DLGAP2: variants seen among roughly 807,000 people sequenced by gnomAD.
The protein encoded by DLGAP2 is disks large-associated protein 2.
Under a neutral mutation model 100.3 loss-of-function variants are expected in DLGAP2, and 26 were observed. The observed-to-expected ratio is 0.26, with a 90% confidence interval of 0.19 to 0.36. The LOEUF (loss-of-function observed/expected upper bound fraction) is 0.36. DLGAP2 is among the 10% of genes least tolerant of loss of function. The pLI is 1.00. For missense variants in DLGAP2, 1,858 were observed against 1,453.2 expected (o/e 1.28, Z -4.53); for synonymous variants, 886 against 630.1 (o/e 1.41, Z -6.08).
chr8:1,189,342 A>G (rs73539221), intron 2 of DLGAP2, among the ~76,000 whole-genome samples: 16,772 of 152,036 alleles, frequency 0.11, 2,769 homozygotes, highest in African/African-American at 0.36. Context: ...GGAGTCACAC[A>G]TCCAGCAGGA....
chr8:972,746 C>G (rs1178540402), intron 2 of DLGAP2, among the ~76,000 whole-genome samples: 11 of 152,236 alleles, frequency 7.2e-5, no homozygotes, highest in African/African-American at 1.9e-4. Flanking sequence ...CTCTGGTTTT[C>G]CTAGGCAGAG....
intron 3 of DLGAP2, among the ~76,000 whole-genome samples, chr8:1,487,123 G>A (rs1584948048): frequency 1.3e-5 from 2 of 152,144 alleles, no homozygotes; most frequent in Non-Finnish European, 1.5e-5. Flanking sequence ...TACTTATTTG[G>A]TTTTCTGCGA....
At chr8:881,086 C>T (rs908155226) in intron 1 of DLGAP2, among the ~76,000 whole-genome samples, 8 of 152,112 alleles carry the variant, frequency 5.3e-5, no homozygotes, top group Admixed American at 2.6e-4. Flanking sequence ...CAAGAATTTG[C>T]GAAGATTACA....
intron 3 of DLGAP2, among the ~76,000 whole-genome samples, chr8:1,287,714 T>G (rs1799971945): frequency 7.5e-4 from 7 of 9,322 alleles, no homozygotes; most frequent in South Asian, 2.3e-3. Flanking sequence ...TGTGTGTGTG[T>G]GTGTGTATGT....
In DLGAP2 at chr8:1,549,426, C is replaced by T. The variant is rs1801682025; in HGVS notation, c.973C>T (p.His325Tyr). ...CCGGCACCACCTGGGCCCCGTGGCCCACTGCTACCCCGACGCGCTGCAGAG... is the reference window on the plus strand; with the variant it reads ...CCGGCACCACCTGGGCCCCGTGGCCTACTGCTACCCCGACGCGCTGCAGAG... ...LNRHHLGPVA[H>Y]CYPDALQSPF... Residue 325 changes from histidine (H) to tyrosine (Y), a missense_variant, in exon 5 of 15, where the codon CAC becomes TAC. By Grantham distance (83) the His-to-Tyr change is moderately conservative. Coordinates refer to ENST00000637795, the MANE Select transcript of DLGAP2 (RefSeq NM_001346810.2). 3.7e-6 allele frequency: 6 copies of T among 1,613,474 alleles called. No homozygotes were observed. The highest frequency in any genetic ancestry group is 1.1e-5 in the South Asian group (1 of 91,062).
At chr8:1,353,268 T>G (rs1408546372) in intron 3 of DLGAP2, among the ~76,000 whole-genome samples, 1 of 152,208 alleles carries the variant, frequency 6.6e-6, no homozygotes, top group Admixed American at 6.5e-5. Flanking sequence ...TAGACACATG[T>G]GAACAGAGGG....
intron 2 of DLGAP2, among the ~76,000 whole-genome samples, chr8:958,342 T>C (rs1320373982): frequency 6.6e-6 from 1 of 152,114 alleles, no homozygotes; most frequent in Non-Finnish European, 1.5e-5. Flanking sequence ...TTGTGAATAG[T>C]CAACAGTGGA....
At chr8:1,554,470 C>A (rs1184051501) in intron 5 of DLGAP2, among the ~76,000 whole-genome samples, 1 of 152,124 alleles carries the variant, frequency 6.6e-6, no homozygotes. Context: ...AGGCCCACCT[C>A]CACATGCTGG....
chr8:1,630,044 G>A (rs1168814680), intron 7 of DLGAP2, among the ~76,000 whole-genome samples: 1 of 152,094 alleles, frequency 6.6e-6, no homozygotes, highest in Non-Finnish European at 1.5e-5. Flanking sequence ...GGTGCTTGGG[G>A]GTTTATTTAA....
intron 1 of DLGAP2, among the ~76,000 whole-genome samples, chr8:863,955 T>C (rs1397154950): frequency 1.3e-5 from 2 of 152,140 alleles, no homozygotes; most frequent in African/African-American, 4.8e-5. Flanking sequence ...AATCAGCCTG[T>C]GTGTCCATCA....
intron 1 of DLGAP2, among the ~76,000 whole-genome samples, chr8:849,413 G>A (rs547298957): frequency 5.9e-5 from 9 of 152,228 alleles, no homozygotes; most frequent in Non-Finnish European, 1.0e-4. Context: ...AATACTGAGC[G>A]CAGGAGTTTT....
rs1248749009 is a variant in DLGAP2 at position 1,548,757 on chromosome 8, GCGCCCC to G, written c.307_312del (p.Pro103_Pro104del). 6.2e-7 allele frequency: 1 copy of G among 1,602,294 alleles called. No individual in the cohort carries two copies. The highest frequency in any genetic ancestry group is 1.3e-5 in the African/African-American group (1 of 74,690). On this transcript the variant is annotated inframe_deletion, in exon 5 of 15. Coordinates refer to ENST00000637795, the MANE Select transcript of DLGAP2 (RefSeq NM_001346810.2). ...GTGTTCCGGGCACACGTGTGGTCTGGCGCCCCCGGAGGACTGCGAGCACCTGCACCA... is the reference window on the plus strand; with the variant it reads ...GTGTTCCGGGCACACGTGTGGTCTGGCGGAGGACTGCGAGCACCTGCACCA...
intron 1 of DLGAP2, among the ~76,000 whole-genome samples, chr8:786,309 C>G (rs1821864199): frequency 1.3e-5 from 2 of 152,118 alleles, no homozygotes. Flanking sequence ...CCGGAGGTCA[C>G]CAGGAGCCAT....
chr8:1,479,191 G>A (rs1008176517), intron 3 of DLGAP2, among the ~76,000 whole-genome samples: 1 of 152,208 alleles, frequency 6.6e-6, no homozygotes, highest in Admixed American at 6.5e-5. Context: ...CTGTGAGTCT[G>A]GAGTCAGTCA....
intron 3 of DLGAP2, among the ~76,000 whole-genome samples, chr8:1,448,556 A>G (rs1204209066): frequency 6.6e-6 from 1 of 152,132 alleles, no homozygotes; most frequent in Non-Finnish European, 1.5e-5. Flanking sequence ...AAAAAAATGT[A>G]TATTCTGTTG....
At chr8:1,389,017 G>C (rs923268796) in intron 3 of DLGAP2, among the ~76,000 whole-genome samples, 2 of 148,586 alleles carry the variant, frequency 1.3e-5, no homozygotes, top group East Asian at 2.1e-4. Context: ...AGCAGAGGCC[G>C]TGGATGAGGA....
At chr8:1,500,088 A>T (rs918793465) in intron 3 of DLGAP2, among the ~76,000 whole-genome samples, 1 of 152,252 alleles carries the variant, frequency 6.6e-6, no homozygotes, top group Non-Finnish European at 1.5e-5. Context: ...ACATGCAATC[A>T]TATTTATATT....
intron 3 of DLGAP2, among the ~76,000 whole-genome samples, chr8:1,469,256 C>T (rs772826428): frequency 1.3e-5 from 2 of 152,226 alleles, no homozygotes; most frequent in African/African-American, 2.4e-5. Flanking sequence ...CAGCAGTGGC[C>T]GTGACAGCAG....
chr8:1,441,886 C>T (rs532830513), intron 3 of DLGAP2, among the ~76,000 whole-genome samples: 3 of 151,724 alleles, frequency 2.0e-5, no homozygotes, highest in East Asian at 1.9e-4. Context: ...GGTTGCTGCA[C>T]CTATCAATGT....
Sources: allele counts gnomAD v4.1 joint callset (sites outside exome capture counted in the v4.1 genomes callset), GRCh38; gene constraint gnomAD v4.1.1; transcripts MANE v1.5; gene names NCBI Gene and HGNC (gene_info 2026-07-23, HGNC 2026-07-21).